SLC45A1: variants seen among roughly 807,000 people sequenced by gnomAD.
SLC45A1 encodes solute carrier family 45 member 1, also known as proton-associated sugar transporter A.
In SLC45A1, 28 loss-of-function variants were observed where a neutral mutation model predicts 57.6. The observed-to-expected ratio is 0.49, with a 90% CI of 0.36 to 0.67. The LOEUF is 0.67. Ranked by LOEUF, SLC45A1 falls within the 30% of genes least tolerant of loss-of-function variation. The pLI is 0.00. For synonymous variants in SLC45A1, 459 were observed against 471.5 expected (o/e 0.97, Z 0.34); for missense variants, 814 against 1,041.5 (o/e 0.78, Z 3.01).
chr1:8,336,284 C>CCTGTAATCCCAGCTACTTGGGAGG (rs1298445233), intron 6 of SLC45A1, among the ~76,000 whole-genome samples: 2 of 152,016 alleles, frequency 1.3e-5, no homozygotes, highest in Non-Finnish European at 2.9e-5. Flanking sequence ...GTGGTGCGTG[C>CCTGTAATCCCAGCTACTTGGGAGG]CTGTAATCCC....
At position 8,325,283 on chromosome 1, in the gene SLC45A1, C is replaced by T. The variant is rs757887385; in HGVS notation, c.398-15C>T. 5 of 1,596,190 alleles carry T rather than the reference C, an allele frequency of 3.1e-6. No individual in the cohort carries two copies. The African/African-American group carries it at 6.7e-5, about 21-fold the overall frequency. On this transcript the variant is annotated splice_polypyrimidine_tract_variant and intron_variant, in intron 2 of 8. Transcript: ENST00000471889. This position sits in a 1 kb window ranked among gnomAD's most constrained non-coding sequence, Gnocchi z 6.3. ...TGGGGACCCTGGCAATGACCGCTGG[C>T]CTGCTCTGTTTCAGGATTCCTACTG...
chr1:8,337,680 A>G (rs1297110380), intron 6 of SLC45A1, 136 bp from the exon 7 acceptor site: 2 of 735,522 alleles, frequency 2.7e-6, no homozygotes, highest in Admixed American at 5.9e-5. Flanking sequence ...AGCCTCCCAA[A>G]GTGCTGGGAT....
At chr1:8,336,901 G>C (rs78463645) in intron 6 of SLC45A1, among the ~76,000 whole-genome samples, 1 of 152,126 alleles carries the variant, frequency 6.6e-6, no homozygotes, top group African/African-American at 2.4e-5. Flanking sequence ...TGTGCTTCCC[G>C]GTGGATTTCT....
intron 4 of SLC45A1, chr1:8,329,994 C>T: frequency 1.7e-6 from 1 of 591,664 alleles, no homozygotes; most frequent in Non-Finnish European, 3.0e-6. Flanking sequence ...CCAGGAAGGG[C>T]CCTGCAGGTG....
At position 8,324,557 on chromosome 1, in the gene SLC45A1, G is replaced by T. The variant is rs1640135147; in HGVS notation, c.228G>T (p.Gly76=). The T allele has an allele frequency of 8.1e-6, 13 of 1,612,558 alleles. No individual in the cohort carries two copies. The highest frequency in any genetic ancestry group is 1.1e-5 in the Non-Finnish European group (13 of 1,179,732). The part of the protein sequence containing the change: ...TPCPLELVDF[G]DLHPQRSFRE... ...GCCCGCTTGAGCTGGTGGACTTCGG[G>T]GACCTGCACCCCCAGAGGTCCTTCC... The change falls in exon 2 of 9, where the codon GGG becomes GGT. Residue 76 remains glycine (G), a synonymous_variant. Transcript: ENST00000471889.
chr1:8,333,577 A>G (rs1640491757), intron 5 of SLC45A1, among the ~76,000 whole-genome samples: 1 of 151,970 alleles, frequency 6.6e-6, no homozygotes, highest in Non-Finnish European at 1.5e-5. Context: ...CAGGGACTAC[A>G]GGTGTGCACC....
rs1281196572 is a variant in SLC45A1 at position 8,320,690 on chromosome 1, TCTACACACACACAC to T, written c.-25+2505_-25+2518del. Among the ~76,000 whole-genome samples the T allele has an allele frequency of 1.4e-3, 182 of 130,116 alleles. 1 individual carries two copies. Among genetic ancestry groups the T allele is most frequent in the Middle Eastern group, 4.4e-3 (1 of 228 alleles). The allele number at this position is 130,116 out of a possible 152,430, so 85.4% of individuals were successfully genotyped here. A position where few individuals can be genotyped will look rare whatever the true frequency, so the allele number is the denominator to read the frequency against. ...CTCTCTCTCTCTGTTTCTCTCTCTC[TCTACACACACACAC>T]ACACACACACACACACACACACACA... is the stretch of plus-strand genomic sequence containing the variant. On this transcript the variant is annotated intron_variant, in intron 1 of 8. Transcript: ENST00000471889.
Position 8,325,424 on chromosome 1 carries a change from G to GC in SLC45A1, c.490+34_490+35insC. The GC allele has an allele frequency of 6.9e-7, 1 of 1,456,158 alleles. No homozygotes were observed. Among genetic ancestry groups the GC allele is most frequent in the Non-Finnish European group, 9.5e-7 (1 of 1,054,798 alleles). The allele number at this position is 1,456,158 out of a possible 1,614,324, so 90.2% of individuals were successfully genotyped here. A position where few individuals can be genotyped will look rare whatever the true frequency, so the allele number is the denominator to read the frequency against. On this transcript the variant is annotated intron_variant, in intron 3 of 8. Transcript: ENST00000471889. This position sits in a 1 kb window ranked among gnomAD's most constrained non-coding sequence, Gnocchi z 6.3. ...TTTTGGCATGGAAATAAAATGGAGA[G>GC]GAAAAAAAAAAGGCCCCAACTGCTT...
At chr1:8,338,037 T>G (rs1640679013) in intron 7 of SLC45A1, 45 bp downstream of exon 7, 2 of 1,583,852 alleles carry the variant, frequency 1.3e-6, no homozygotes, top group Non-Finnish European at 8.6e-7. Flanking sequence ...GAGCTTTGGT[T>G]GGGTCCATGG....
rs1000805245 is a variant in SLC45A1, at chr1:8,342,500, C to T, written c.1981-1247C>T. ...TCCCCATGGACTTGCCTATTTGGGA[C>T]GTCTCCTGTGATGGAGTCAGGCAGT... On this transcript the variant is annotated intron_variant, in intron 8 of 8. Transcript: ENST00000471889. Among the ~76,000 whole-genome samples the T allele has an allele frequency of 2.7e-4, 41 of 152,168 alleles. 1 individual carries two copies. Among genetic ancestry groups the T allele is most frequent in the Admixed American group, 2.0e-3 (31 of 15,264 alleles).
chr1:8,343,280 C>T lies in SLC45A1; in HGVS notation c.1981-467C>T, dbSNP rs1640888246. The stretch of plus-strand genomic sequence containing the variant: ...CATGCAGGGGAGGGAGAGTGAGTGA[C>T]GTGCCCAAGCTGGAGGCCACGAGGA... On this transcript the variant is annotated intron_variant, in intron 8 of 8. Coordinates refer to ENST00000471889, the MANE Select transcript of SLC45A1 (RefSeq NM_001080397.3). This position sits in a 1 kb window ranked among gnomAD's most constrained non-coding sequence, Gnocchi z 7.7. Among the ~76,000 whole-genome samples the T allele has an allele frequency of 6.6e-6, 1 of 152,168 alleles. No homozygotes were observed. Among genetic ancestry groups the T allele is most frequent in the Admixed American group, 6.5e-5 (1 of 15,276 alleles).
At chr1:8,324,240 T>G in intron 1 of SLC45A1, 66 bp from the exon 2 acceptor site, 1 of 1,417,322 alleles carries the variant, frequency 7.1e-7, no homozygotes, top group Non-Finnish European at 9.7e-7. Flanking sequence ...CAGTGTGAAC[T>G]CAAATGTTGG....
At chr1:8,339,735 C>A in intron 8 of SLC45A1, 37 bp downstream of exon 8, 2 of 1,571,054 alleles carry the variant, frequency 1.3e-6, no homozygotes, top group South Asian at 2.2e-5. Flanking sequence ...GGGTCTGCTT[C>A]TTGGAGAAAC....
In SLC45A1 at chr1:8,327,535, G is replaced by A. The variant is rs940139206; in HGVS notation, c.715+1493G>A. On this transcript the variant is annotated intron_variant, in intron 4 of 8. Transcript: ENST00000471889. The surrounding 1 kb of genome is among the most constrained non-coding windows in gnomAD (Gnocchi z 4.3). ...GTATAAAAATCAATACTGGTTGGGT[G>A]CAGTGGCTCAGGCCTACTCTCAACA... is the stretch of plus-strand genomic sequence containing the variant. Among the ~76,000 whole-genome samples the A allele has an allele frequency of 5.3e-5, 8 of 152,174 alleles. No homozygotes were observed. The highest frequency in any genetic ancestry group is 1.9e-4 in the African/African-American group (8 of 41,422).
At position 8,343,653 on chromosome 1, in the gene SLC45A1, G is replaced by T. The variant is rs987791148; in HGVS notation, c.1981-94G>T. On this transcript the variant is annotated intron_variant, in intron 8 of 8. Transcript: ENST00000471889. The surrounding 1 kb of genome is among the most constrained non-coding windows in gnomAD (Gnocchi z 7.7). ...AATGTGAGGCCGCTGTGTGTGGGCC[G>T]CTCGGGCCTCCTGGGCTCGCAGGAC... 1.2e-5 allele frequency: 17 copies of T among 1,437,122 alleles called. No individual in the cohort carries two copies. In the Admixed American group the frequency reaches 3.4e-4, roughly 29 times the overall value. 89.0% of individuals were successfully genotyped at this position (1,437,122 alleles called of 1,614,324 possible).
chr1:8,321,593 C>G (rs1640009875), intron 1 of SLC45A1, among the ~76,000 whole-genome samples: 1 of 152,156 alleles, frequency 6.6e-6, no homozygotes, highest in African/African-American at 2.4e-5. Flanking sequence ...TTTTATCTCT[C>G]TTATCTCAGT....
intron 2 of SLC45A1, 120 bp downstream of exon 2, chr1:8,324,846 G>T (rs1640148726): frequency 7.1e-6 from 7 of 980,278 alleles, no homozygotes; most frequent in Non-Finnish European, 7.3e-6. Context: ...CCCTTCATCA[G>T]TCTGGGACTG....
At position 8,330,886 on chromosome 1, in the gene SLC45A1, G is replaced by C. The variant is rs1276787491; in HGVS notation, c.1393G>C (p.Gly465Arg). ...CTTGGCCATCCCGGACGCAGCCGGAGGAGGGGGTCCCGAAACCAGCAGGAG... is the reference window on the plus strand; with the variant it reads ...CTTGGCCATCCCGGACGCAGCCGGACGAGGGGGTCCCGAAACCAGCAGGAG... ...QTLAIPDAAG[G>R]GGPETSRRRN... The change falls in exon 5 of 9, where the codon GGA (glycine) becomes CGA (arginine). Residue 465 changes from glycine (G) to arginine (R), a missense_variant. Transcript: ENST00000471889. This position sits in a 1 kb window ranked among gnomAD's most constrained non-coding sequence, Gnocchi z 8.4. 1 of 1,603,876 alleles carries C rather than the reference G, an allele frequency of 6.2e-7. No homozygotes were observed. Among genetic ancestry groups the C allele is most frequent in the South Asian group, 1.1e-5 (1 of 90,804 alleles).
chr1:8,323,837 C>T (rs1390868438), intron 1 of SLC45A1, among the ~76,000 whole-genome samples: 2 of 152,134 alleles, frequency 1.3e-5, no homozygotes, highest in Admixed American at 6.5e-5. Flanking sequence ...GTCCCCGCAA[C>T]GCGAGGAAGC....
Sources: gnomAD v4.1 joint callset for allele counts (sites outside exome capture counted in the v4.1 genomes callset) on GRCh38, gnomAD v4.1.1 for gene constraint, Gnocchi (gnomAD v3.1) non-coding constraint, MANE v1.5 for transcripts, NCBI Gene and HGNC (gene_info 2026-07-23, HGNC 2026-07-21) for gene names.